The following CDH13 variants were observed in gnomAD, a reference collection of about 807,000 sequenced individuals.
The protein encoded by CDH13 is cadherin-13.
CDH13 carries 24 observed loss-of-function variants against 63.8 expected under a neutral mutation model. The observed-to-expected ratio is 0.38, with a 90% CI of 0.27 to 0.53. The LOEUF (loss-of-function observed/expected upper bound fraction) is 0.53, where lower values mean the gene tolerates loss of function less well. Ranked by LOEUF, CDH13 falls within the 20% of genes least tolerant of loss-of-function variation. CDH13 has a pLI of 0.85. For missense variants in CDH13, 1,049 were observed against 903.1 expected (o/e 1.16, Z -2.07); for synonymous variants, 503 against 355.3 (o/e 1.42, Z -4.67).
intron 1 of CDH13, among the ~76,000 whole-genome samples, chr16:82,669,363 C>G (rs116220967): frequency 0.015 from 2,318 of 152,248 alleles, 71 homozygotes; most frequent in African/African-American, 0.053. Flanking sequence ...AGAAAATGGA[C>G]GCAGGTACAA....
At chr16:82,978,642 G>A (rs1277497267) in intron 2 of CDH13, among the ~76,000 whole-genome samples, 1 of 152,272 alleles carries the variant, frequency 6.6e-6, no homozygotes, top group Non-Finnish European at 1.5e-5. Context: ...GTACACAGAA[G>A]TCAGTAATTG....
At chr16:83,517,812 T>C (rs1000134562) in intron 7 of CDH13, among the ~76,000 whole-genome samples, 8 of 152,190 alleles carry the variant, frequency 5.3e-5, no homozygotes, top group African/African-American at 1.7e-4. Context: ...TTTTTAGCTT[T>C]AATGGTAATA....
chr16:83,338,184 TAAAAAA>T lies in CDH13; in HGVS notation c.637-6664_637-6659del, dbSNP rs5818440. ...AAATCAATGTTAGTCCTCTTCTTTT[TAAAAAA>T]AAAAAAAAAAAAACAAGTAATCAGT... is the stretch of plus-strand genomic sequence containing the variant. On this transcript the variant is annotated intron_variant, in intron 5 of 13. Coordinates refer to ENST00000567109, the MANE Select transcript of CDH13 (RefSeq NM_001257.5). Among the ~76,000 whole-genome samples, 357 of 135,088 alleles carry T rather than the reference TAAAAAA, an allele frequency of 2.6e-3. 2 individuals are homozygous for T. The highest frequency in any genetic ancestry group is 9.3e-3 in the African/African-American group (337 of 36,154). The allele number at this position is 135,088 out of a possible 152,430, so 88.6% of individuals were successfully genotyped here.
intron 6 of CDH13, among the ~76,000 whole-genome samples, chr16:83,351,243 C>G (rs2090945509): frequency 1.3e-5 from 2 of 149,122 alleles, no homozygotes; most frequent in African/African-American, 4.9e-5. Flanking sequence ...CCCAACCAAT[C>G]CTATGTGTTT....
At chr16:82,876,918 A>G (rs1038603734) in intron 2 of CDH13, among the ~76,000 whole-genome samples, 3 of 152,234 alleles carry the variant, frequency 2.0e-5, no homozygotes, top group African/African-American at 4.8e-5. Context: ...GTATCTGGGA[A>G]CTATCTCAAG....
intron 5 of CDH13, among the ~76,000 whole-genome samples, chr16:83,267,167 A>G (rs1031945379): frequency 1.4e-4 from 21 of 152,354 alleles, no homozygotes; most frequent in African/African-American, 5.0e-4. Context: ...AGCAAGTACC[A>G]GAAAACCCCA....
intron 3 of CDH13, among the ~76,000 whole-genome samples, chr16:83,107,433 A>T (rs1367864268): frequency 1.3e-5 from 2 of 152,222 alleles, no homozygotes; most frequent in African/African-American, 4.8e-5. Flanking sequence ...ATTTTTGAGA[A>T]AAAAATCCAC....
chr16:82,983,674 A>G (rs1278485152), intron 2 of CDH13, among the ~76,000 whole-genome samples: 1 of 152,144 alleles, frequency 6.6e-6, no homozygotes, highest in East Asian at 1.9e-4. Context: ...TTGCCTGGAG[A>G]TTTGGGAACA....
At chr16:83,738,355 C>T (rs553877884) in intron 10 of CDH13, among the ~76,000 whole-genome samples, 1 of 152,176 alleles carries the variant, frequency 6.6e-6, no homozygotes, top group Non-Finnish European at 1.5e-5. Flanking sequence ...ATGTATACAT[C>T]GATACATAGG....
At chr16:83,184,319 A>G (rs986218729) in intron 4 of CDH13, among the ~76,000 whole-genome samples, 2 of 152,100 alleles carry the variant, frequency 1.3e-5, no homozygotes, top group Non-Finnish European at 2.9e-5. Context: ...CTAAAAAGTA[A>G]AACTCTGTCG....
At chr16:82,801,726 G>T (rs1039123401) in intron 1 of CDH13, among the ~76,000 whole-genome samples, 8 of 152,182 alleles carry the variant, frequency 5.3e-5, no homozygotes, top group African/African-American at 1.7e-4. Context: ...ATTATTCCAT[G>T]TTACTTCAAT....
chr16:82,708,690 C>A (rs1434756232), intron 1 of CDH13, among the ~76,000 whole-genome samples: 2 of 152,166 alleles, frequency 1.3e-5, no homozygotes, highest in African/African-American at 4.8e-5. Flanking sequence ...AACACCATGA[C>A]CACTCTAAAA....
chr16:82,967,912 T>C (rs182211548), intron 2 of CDH13, among the ~76,000 whole-genome samples: 9 of 152,346 alleles, frequency 5.9e-5, no homozygotes, highest in African/African-American at 2.2e-4. Flanking sequence ...ACTACACAAA[T>C]ACCTTGTTTC....
chr16:83,150,475 C>A (rs1330222396), intron 4 of CDH13, among the ~76,000 whole-genome samples: 1 of 152,090 alleles, frequency 6.6e-6, no homozygotes, highest in Non-Finnish European at 1.5e-5. Flanking sequence ...CCCTTCACTT[C>A]TCTATTGACA....
intron 2 of CDH13, among the ~76,000 whole-genome samples, chr16:83,025,654 C>T (rs140753405): frequency 5.9e-5 from 9 of 152,252 alleles, no homozygotes; most frequent in Admixed American, 1.3e-4. Flanking sequence ...GTTTGCCCAA[C>T]GTCACAGGGC....
intron 1 of CDH13, among the ~76,000 whole-genome samples, chr16:82,793,521 C>T (rs994344898): frequency 7.2e-5 from 11 of 152,258 alleles, no homozygotes; most frequent in African/African-American, 1.7e-4. Context: ...TTTCAAAGAC[C>T]GTTCTCCTGA....
intron 7 of CDH13, among the ~76,000 whole-genome samples, chr16:83,508,794 A>T (rs114424746): frequency 6.6e-6 from 1 of 152,192 alleles, no homozygotes; most frequent in Non-Finnish European, 1.5e-5. Context: ...TTTGCACTCA[A>T]ATAGGCAGAG....
intron 7 of CDH13, among the ~76,000 whole-genome samples, chr16:83,498,555 G>A (rs1167894463): frequency 5.9e-5 from 9 of 152,116 alleles, no homozygotes; most frequent in South Asian, 4.1e-4. Flanking sequence ...CCTAGAAAAC[G>A]TACTTTATAT....
intron 4 of CDH13, among the ~76,000 whole-genome samples, chr16:83,190,187 G>A (rs2038654750): frequency 6.6e-6 from 1 of 152,198 alleles, no homozygotes; most frequent in Non-Finnish European, 1.5e-5. Context: ...CATTGCTGTA[G>A]CCATCTCTGA....
Sources: allele counts gnomAD v4.1 joint callset (sites outside exome capture counted in the v4.1 genomes callset), GRCh38; gene constraint gnomAD v4.1.1; transcripts MANE v1.5; gene names NCBI Gene and HGNC (gene_info 2026-07-23, HGNC 2026-07-21).